OR2L13: variants seen among roughly 807,000 people sequenced by gnomAD.
OR2L13 encodes the protein olfactory receptor 2L13.
A neutral mutation model predicts 15.3 loss-of-function variants in OR2L13; 14 were observed. That is an observed-to-expected ratio of 0.91 (90% CI 0.60 to 1.43). The LOEUF (loss-of-function observed/expected upper bound fraction) is 1.43, where lower values mean the gene tolerates loss of function less well. Ranked by LOEUF, OR2L13 falls within the 40% of genes most tolerant of loss-of-function variation. OR2L13 has a pLI of 0.00. For missense variants in OR2L13, 367 were observed against 387.9 expected (o/e 0.95, Z 0.45); for synonymous variants, 152 against 142.9 (o/e 1.06, Z -0.45).
the OR2L13 span, chr1:248,061,226 C>A: frequency 6.2e-7 from 1 of 1,611,392 alleles, no homozygotes; most frequent in East Asian, 2.2e-5. Context: ...GATGTCCCAG[C>A]AATGGTGACT....
chr1:247,986,433 A>G, the OR2L13 span, among the ~76,000 whole-genome samples: 1 of 151,998 alleles, frequency 6.6e-6, no homozygotes, highest in African/African-American at 2.4e-5. Context: ...GATATGCGGC[A>G]TTATTTCTGT....
the OR2L13 span, among the ~76,000 whole-genome samples, chr1:247,955,566 C>T: frequency 1.3e-5 from 2 of 151,966 alleles, no homozygotes; most frequent in African/African-American, 4.8e-5. Context: ...GTCCCATCAA[C>T]AGTGTAAAAG....
At chr1:248,061,762 A>C in the OR2L13 span, 2 of 740,866 alleles carry the variant, frequency 2.7e-6, no homozygotes, top group Non-Finnish European at 4.2e-6. Flanking sequence ...TTCTGGACAA[A>C]ATTGTTTTAC....
At chr1:248,076,212 G>C in the OR2L13 span, among the ~76,000 whole-genome samples, 1 of 152,094 alleles carries the variant, frequency 6.6e-6, no homozygotes, top group Non-Finnish European at 1.5e-5. Context: ...CTATAATTCT[G>C]TTTTGGTACC....
chr1:247,985,606 A>G, the OR2L13 span, among the ~76,000 whole-genome samples: 1 of 152,120 alleles, frequency 6.6e-6, no homozygotes, highest in Non-Finnish European at 1.5e-5. Flanking sequence ...ATGATTTATA[A>G]TCCTTTGGTT....
chr1:247,982,883 A>G, the OR2L13 span, among the ~76,000 whole-genome samples: 1 of 152,134 alleles, frequency 6.6e-6, no homozygotes, highest in Non-Finnish European at 1.5e-5. Context: ...TATTTTAATA[A>G]ATTTAACCTC....
At chr1:247,948,825 G>A in the OR2L13 span, 1 of 1,539,208 alleles carries the variant, frequency 6.5e-7, no homozygotes, top group African/African-American at 1.4e-5. Context: ...TTACTCTTGT[G>A]TCTCCCTTCC....
chr1:248,080,341 C>A, the OR2L13 span, among the ~76,000 whole-genome samples: 2 of 151,946 alleles, frequency 1.3e-5, no homozygotes, highest in Non-Finnish European at 2.9e-5. Flanking sequence ...GGGTTTGTTG[C>A]ATAGGAATAC....
At chr1:248,003,568 A>G in the OR2L13 span, 1,826 of 1,600,488 alleles carry the variant, frequency 1.1e-3, 24 homozygotes, top group African/African-American at 0.017. Flanking sequence ...TGATAACAGG[A>G]TCTTGGATCA....
At chr1:247,999,297 A>G in the OR2L13 span, among the ~76,000 whole-genome samples, 1 of 152,156 alleles carries the variant, frequency 6.6e-6, no homozygotes. Context: ...CAGACAAAGG[A>G]TATACTTTCA....
chr1:248,071,633 T>C, the OR2L13 span, among the ~76,000 whole-genome samples: 21 of 152,054 alleles, frequency 1.4e-4, no homozygotes, highest in South Asian at 2.1e-4. Context: ...CCAGGGCAAT[T>C]AGGCAGGACA....
At chr1:247,959,323 G>A in the OR2L13 span, among the ~76,000 whole-genome samples, 2 of 152,284 alleles carry the variant, frequency 1.3e-5, no homozygotes, top group African/African-American at 2.4e-5. Context: ...CTGTTAGTCC[G>A]ATGGGCTTCC....
the OR2L13 span, chr1:248,046,861 GA>G: frequency 1.3e-5 from 2 of 152,152 alleles, no homozygotes; most frequent in South Asian, 2.1e-4. Context: ...TGAGTGTTTG[GA>G]AATGAGGAAA....
At chr1:247,938,900 TGTG>T in the OR2L13 span, 2 of 152,202 alleles carry the variant, frequency 1.3e-5, no homozygotes, top group African/African-American at 4.8e-5. Flanking sequence ...ACCTGGGTAT[TGTG>T]GTGGAGATAC....
the OR2L13 span, among the ~76,000 whole-genome samples, chr1:248,073,909 T>C: frequency 6.6e-6 from 1 of 152,124 alleles, no homozygotes; most frequent in South Asian, 2.1e-4. Flanking sequence ...TGGCATCTTT[T>C]AACTTTTGAA....
the OR2L13 span, chr1:248,022,202 G>T: frequency 1.2e-6 from 2 of 1,613,946 alleles, no homozygotes; most frequent in African/African-American, 2.7e-5. Context: ...CTGATTTTCT[G>T]TATGGAAACA....
chr1:248,001,005 T>A, the OR2L13 span, among the ~76,000 whole-genome samples: 1 of 152,126 alleles, frequency 6.6e-6, no homozygotes, highest in Non-Finnish European at 1.5e-5. Flanking sequence ...CTGCCAAAAA[T>A]TTTTGAGGGA....
At chr1:248,076,684 A>G in the OR2L13 span, among the ~76,000 whole-genome samples, 1 of 152,170 alleles carries the variant, frequency 6.6e-6, no homozygotes, top group Admixed American at 6.5e-5. Context: ...ATTTTTGCAC[A>G]TTGATTTTGT....
chr1:247,959,639 T>C, the OR2L13 span, among the ~76,000 whole-genome samples: 2 of 152,094 alleles, frequency 1.3e-5, no homozygotes, highest in Non-Finnish European at 2.9e-5. Flanking sequence ...GCTTTGTTCA[T>C]TTCTTTTTAT....
Sources: gnomAD v4.1 joint callset for allele counts (sites outside exome capture counted in the v4.1 genomes callset) on GRCh38, gnomAD v4.1.1 for gene constraint, MANE v1.5 for transcripts, NCBI Gene and HGNC (gene_info 2026-07-23, HGNC 2026-07-21) for gene names.